SNX29: variants seen among roughly 807,000 people sequenced by gnomAD.
SNX29 encodes sorting nexin 29.
A neutral mutation model predicts 102.1 loss-of-function variants in SNX29; 78 were observed. The observed-to-expected ratio is 0.76, with a 90% CI of 0.64 to 0.92. The LOEUF (loss-of-function observed/expected upper bound fraction) is 0.92. SNX29 is among the 40% of genes least tolerant of loss of function. SNX29 has a pLI of 0.00. For missense variants in SNX29, 1,280 were observed against 1,061.7 expected (o/e 1.21, Z -2.86); for synonymous variants, 580 against 414.5 (o/e 1.40, Z -4.85).
chr16:12,185,480 G>A (rs1441794269), intron 13 of SNX29, among the ~76,000 whole-genome samples: 1 of 151,986 alleles, frequency 6.6e-6, no homozygotes, highest in Non-Finnish European at 1.5e-5. Context: ...CCTCCTACTC[G>A]CCCTGCAAAC....
intron 13 of SNX29, among the ~76,000 whole-genome samples, chr16:12,169,930 C>T (rs137991050): frequency 1.4e-4 from 21 of 152,092 alleles, no homozygotes; most frequent in African/African-American, 4.6e-4. Flanking sequence ...GGTGAGCCAC[C>T]GTACCTGGCC....
chr16:12,038,486 G>A (rs2151163979), intron 4 of SNX29, among the ~76,000 whole-genome samples: 1 of 152,278 alleles, frequency 6.6e-6, no homozygotes, highest in Non-Finnish European at 1.5e-5. Flanking sequence ...GCCCTTGCCC[G>A]CTTTTTGACT....
chr16:12,229,935 C>G (rs2077721728), intron 14 of SNX29, among the ~76,000 whole-genome samples: 1 of 152,070 alleles, frequency 6.6e-6, no homozygotes, highest in Non-Finnish European at 1.5e-5. Flanking sequence ...CAAACTTTTT[C>G]TATAAAAGGC....
rs1007623713 is a variant in SNX29 at position 12,187,274 on chromosome 16, A to G, written c.1596-12327A>G. 1.4e-4 allele frequency among the ~76,000 whole-genome samples: 21 copies of G among 152,310 alleles called. 1 individual carries two copies. In the South Asian group the frequency reaches 1.5e-3, roughly 11 times the overall value. On this transcript the variant is annotated intron_variant, in intron 13 of 20. Transcript: ENST00000566228. ...TGCCTGGGACTCTGAAAGATATGTTATAGAGCTGGGCGCGGTGGCCCACTC... is the reference window on the plus strand; with the variant it reads ...TGCCTGGGACTCTGAAAGATATGTTGTAGAGCTGGGCGCGGTGGCCCACTC...
intron 19 of SNX29, among the ~76,000 whole-genome samples, chr16:12,484,881 G>A (rs775306861): frequency 6.6e-6 from 1 of 152,136 alleles, no homozygotes; most frequent in Non-Finnish European, 1.5e-5. Flanking sequence ...AATATGATCT[G>A]TCTCTCTGCA....
intron 18 of SNX29, among the ~76,000 whole-genome samples, chr16:12,452,785 G>T (rs1055004879): frequency 6.6e-6 from 1 of 152,182 alleles, no homozygotes; most frequent in African/African-American, 2.4e-5. Context: ...CAGGCATGGT[G>T]CTGTGGGACA....
chr16:12,091,775 CA>C (rs71408236), intron 11 of SNX29, among the ~76,000 whole-genome samples: 7,528 of 93,852 alleles, frequency 0.08, 191 homozygotes, highest in Middle Eastern at 0.097. Flanking sequence ...AGATCCTTCT[CA>C]AAAAAAAAAA....
intron 5 of SNX29, among the ~76,000 whole-genome samples, chr16:12,045,362 T>G (rs1167068598): frequency 2.6e-5 from 4 of 151,666 alleles, no homozygotes; most frequent in Admixed American, 2.6e-4. Flanking sequence ...GCGGGGAAGT[T>G]ATGGCATTGG....
At chr16:12,156,629 C>G (rs996097562) in intron 13 of SNX29, among the ~76,000 whole-genome samples, 1 of 152,232 alleles carries the variant, frequency 6.6e-6, no homozygotes, top group Non-Finnish European at 1.5e-5. Context: ...GTCTTCAAAA[C>G]TGATTTTGTA....
intron 13 of SNX29, among the ~76,000 whole-genome samples, chr16:12,174,371 C>T (rs1387194529): frequency 1.3e-5 from 2 of 152,184 alleles, no homozygotes; most frequent in African/African-American, 4.8e-5. Flanking sequence ...TGCAGAAACT[C>T]AGGGCAAGAA....
chr16:12,108,853 G>A (rs2053379802), intron 11 of SNX29, among the ~76,000 whole-genome samples: 2 of 152,110 alleles, frequency 1.3e-5, no homozygotes, highest in African/African-American at 2.4e-5. Flanking sequence ...AAAGGAGGCT[G>A]GGCACAGTGG....
rs2081763073 is a variant in SNX29, at chr16:12,345,368, C to A, written c.1783-10795C>A. On this transcript the variant is annotated intron_variant, in intron 15 of 20. Coordinates refer to ENST00000566228, the MANE Select transcript of SNX29 (RefSeq NM_032167.5). ...CCATATAAAATAGGGACAACACCAG[C>A]ACCTAGTATGATGTCTAAGACTTCT... 2.0e-5 allele frequency among the ~76,000 whole-genome samples: 3 copies of A among 152,158 alleles called. No individual in the cohort carries two copies. The South Asian group carries it at 6.2e-4, about 32-fold the overall frequency.
At chr16:12,332,530 A>G (rs1445254494) in intron 15 of SNX29, among the ~76,000 whole-genome samples, 1 of 152,014 alleles carries the variant, frequency 6.6e-6, no homozygotes, top group African/African-American at 2.4e-5. Flanking sequence ...CGTCCTCGTC[A>G]TATTGAAGGC....
At chr16:12,523,444 C>A (rs1237773418) in intron 19 of SNX29, among the ~76,000 whole-genome samples, 1 of 152,228 alleles carries the variant, frequency 6.6e-6, no homozygotes, top group Middle Eastern at 3.2e-3. Context: ...GCATGACGGT[C>A]TCAGAGAAAG....
chr16:12,500,067 C>T (rs1044213658), intron 19 of SNX29, among the ~76,000 whole-genome samples: 4 of 152,092 alleles, frequency 2.6e-5, no homozygotes, highest in African/African-American at 4.8e-5. Context: ...TCATAGCACA[C>T]TGCAGCCTCA....
intron 18 of SNX29, among the ~76,000 whole-genome samples, chr16:12,430,061 A>G (rs2085248998): frequency 1.3e-5 from 2 of 152,246 alleles, no homozygotes; most frequent in African/African-American, 4.8e-5. Flanking sequence ...TCAGATCAGC[A>G]GTGGCATCAG....
chr16:12,248,827 T>G (rs2078338266), intron 14 of SNX29, among the ~76,000 whole-genome samples: 1 of 152,014 alleles, frequency 6.6e-6, no homozygotes, highest in Non-Finnish European at 1.5e-5. Flanking sequence ...GAAAAATGCA[T>G]TCATCTTTTG....
At chr16:12,242,579 T>TTTCTTCTTCTTTTCTTCTTCTC (rs1306064048) in intron 14 of SNX29, among the ~76,000 whole-genome samples, 4 of 149,736 alleles carry the variant, frequency 2.7e-5, no homozygotes, top group African/African-American at 7.4e-5. Context: ...TTCTTCTTCT[T>TTTCTTCTTCTTTTCTTCTTCTC]TTCTTCTTCT....
rs138662464 is a variant in SNX29 at position 12,330,138 on chromosome 16, G to A, written c.1783-26025G>A. On this transcript the variant is annotated intron_variant, in intron 15 of 20. Coordinates refer to ENST00000566228, the MANE Select transcript of SNX29 (RefSeq NM_032167.5). The stretch of plus-strand genomic sequence containing the variant: ...TTAGTCACTTTTGTTGTTGTTGCGG[G>A]AGGCTCAGGATCAGTGATGTGAAAC... Among the ~76,000 whole-genome samples the A allele has an allele frequency of 5.3e-3, 811 of 152,244 alleles. 9 individuals carry two copies. The highest frequency in any genetic ancestry group is 0.018 in the African/African-American group (767 of 41,542).
Sources: allele counts gnomAD v4.1 joint callset (sites outside exome capture counted in the v4.1 genomes callset), GRCh38; gene constraint gnomAD v4.1.1; transcripts MANE v1.5; gene names NCBI Gene and HGNC (gene_info 2026-07-23, HGNC 2026-07-21).